The following ARFGAP1 variants were observed in gnomAD, a reference collection of about 807,000 sequenced individuals.
ARFGAP1 encodes ADP-ribosylation factor GTPase-activating protein 1.
In ARFGAP1, 26 loss-of-function variants were observed where a neutral mutation model predicts 54.0. That is an observed-to-expected ratio of 0.48 (90% CI 0.35 to 0.67). The LOEUF (loss-of-function observed/expected upper bound fraction) is 0.67, where lower values mean the gene tolerates loss of function less well. Ranked by LOEUF, ARFGAP1 falls within the 30% of genes least tolerant of loss-of-function variation. ARFGAP1 has a pLI of 0.00. For missense variants in ARFGAP1, 525 were observed against 535.8 expected (o/e 0.98, Z 0.20); for synonymous variants, 248 against 211.9 (o/e 1.17, Z -1.48).
At chr20:63,284,098 C>T (rs918083243) in intron 9 of ARFGAP1, 16 of 1,333,912 alleles carry the variant, frequency 1.2e-5, no homozygotes, top group South Asian at 1.2e-4. Context: ...AGTACCACTG[C>T]GCTCCCCCCG....
At chr20:63,283,629 TG>T in intron 9 of ARFGAP1, 1 of 477,868 alleles carries the variant, frequency 2.1e-6, no homozygotes. Context: ...GGCTTTTTCG[TG>T]GGCCTCCCAG....
At position 63,284,072 on chromosome 20, in the gene ARFGAP1, C is replaced by T. The variant is rs1311346257; in HGVS notation, c.718-794C>T. On this transcript the variant is annotated intron_variant, in intron 9 of 12. Coordinates refer to ENST00000370283, the MANE Select transcript of ARFGAP1 (RefSeq NM_018209.4). ...TCTGCATCAGGCTTGGCTGTGTGTG[C>T]CTGTCACCCCTGCGCAGTACCACTG... 5.7e-6 allele frequency: 8 copies of T among 1,409,892 alleles called. No individual in the cohort carries two copies. The African/African-American group carries it at 1.0e-4, about 18-fold the overall frequency. The allele number at this position is 1,409,892 out of a possible 1,614,324, so 87.3% of individuals were successfully genotyped here.
At chr20:63,280,826 G>A (rs2067361067) in intron 7 of ARFGAP1, among the ~76,000 whole-genome samples, 1 of 152,222 alleles carries the variant, frequency 6.6e-6, no homozygotes. Flanking sequence ...AGTTGTGATT[G>A]AAATGAGACG....
intron 6 of ARFGAP1, chr20:63,278,658 A>G: frequency 1.8e-6 from 1 of 549,710 alleles, no homozygotes; most frequent in Non-Finnish European, 3.2e-6. Context: ...TTCTTCTAGT[A>G]CTTCTGTGGC....
chr20:63,277,321 G>A lies in ARFGAP1; in HGVS notation c.443+16G>A, dbSNP rs1197361907. 6.2e-7 allele frequency: 1 copy of A among 1,607,442 alleles called. No homozygotes were observed. The highest frequency in any genetic ancestry group is 8.5e-7 in the Non-Finnish European group (1 of 1,177,618). On this transcript the variant is annotated intron_variant, in intron 5 of 12. Coordinates refer to ENST00000370283, the MANE Select transcript of ARFGAP1 (RefSeq NM_018209.4). ...TGGTGCACCGGTAGCTGCTCCTCGTGGGGCCTTAGTACAGTTTCCACTGGG... is the reference window on the plus strand; with the variant it reads ...TGGTGCACCGGTAGCTGCTCCTCGTAGGGCCTTAGTACAGTTTCCACTGGG...
chr20:63,280,656 G>A (rs1024478224), intron 7 of ARFGAP1, among the ~76,000 whole-genome samples: 2 of 152,168 alleles, frequency 1.3e-5, no homozygotes, highest in Non-Finnish European at 2.9e-5. Context: ...ACATCTTTAG[G>A]GAAGAAAAGC....
In ARFGAP1 at chr20:63,288,363, T is replaced by C. The variant is rs1320404468; in HGVS notation, c.*490T>C. The C allele has an allele frequency of 2.2e-6, 1 of 456,810 alleles. No homozygotes were observed. Among genetic ancestry groups the C allele is most frequent in the South Asian group, 1.5e-5 (1 of 64,576 alleles). The allele number at this position is 456,810 out of a possible 1,614,324, so 28.3% of individuals were successfully genotyped here. ...GTGGTAAAGATGGAAATGCTGGAAATGATACTGGCGCTCACGCTGCCATCC... is the reference window on the plus strand; with the variant it reads ...GTGGTAAAGATGGAAATGCTGGAAACGATACTGGCGCTCACGCTGCCATCC... On this transcript the variant is annotated 3_prime_UTR_variant, in exon 13 of 13. Transcript: ENST00000370283.
chr20:63,278,063 T>C, intron 5 of ARFGAP1, 54 bp from the exon 6 acceptor site: 1 of 1,539,102 alleles, frequency 6.5e-7, no homozygotes, highest in Non-Finnish European at 9.0e-7. Context: ...CTTCTGGGGT[T>C]ACCTCAGACT....
chr20:63,281,333 G>A lies in ARFGAP1; in HGVS notation c.670G>A (p.Ala224Thr). Reference sequence around the variant, plus strand: ...CACTGGAGCCAGCCGGTTTGCCTCGGCAGCCAAGGAGGGCGTAAGTCACTG... The same window carrying A: ...CACTGGAGCCAGCCGGTTTGCCTCGACAGCCAAGGAGGGCGTAAGTCACTG... ...FTTGASRFAS[A>T]AKEGATKFGS... The change falls in exon 8 of 13, where the codon GCA becomes ACA. Residue 224 changes from alanine (A) to threonine (T), a missense_variant. Transcript: ENST00000370283. 1 of 1,599,614 alleles carries A rather than the reference G, an allele frequency of 6.3e-7. No individual in the cohort carries two copies. Among genetic ancestry groups the A allele is most frequent in the Non-Finnish European group, 8.5e-7 (1 of 1,176,974 alleles).
intron 10 of ARFGAP1, 28 bp from the exon 11 acceptor site, chr20:63,285,626 A>G (rs2067512967): frequency 1.9e-6 from 3 of 1,611,450 alleles, no homozygotes; most frequent in South Asian, 1.1e-5. Context: ...TCCCGCCCCC[A>G]TTAATGCCGC....
rs763843180 is a variant in ARFGAP1 at position 63,278,181 on chromosome 20, G to A, written c.508G>A (p.Asp170Asn). Residue 170 changes from aspartate to asparagine, a missense_variant, in exon 6 of 13, where the codon GAT becomes AAT. Asp to Asn is a conservative substitution (Grantham distance 23, BLOSUM62 1). This residue lies in a region of ARFGAP1 where 466 missense variants were observed against 453.6 expected (regional missense o/e 1.03). Coordinates refer to ENST00000370283, the MANE Select transcript of ARFGAP1 (RefSeq NM_018209.4). ...SDKAFEDWLN[D>N]DLGSYQGAQG... Reference sequence around the variant, plus strand: ...CAAGGCTTTTGAAGACTGGCTGAATGATGACCTCGGCTCCTATCAAGGGTA... The same window carrying A: ...CAAGGCTTTTGAAGACTGGCTGAATAATGACCTCGGCTCCTATCAAGGGTA... 2 of 1,613,590 alleles carry A rather than the reference G, an allele frequency of 1.2e-6. No individual in the cohort carries two copies. Among genetic ancestry groups the A allele is most frequent in the Non-Finnish European group, 1.7e-6 (2 of 1,179,920 alleles).
At position 63,278,987 on chromosome 20, in the gene ARFGAP1, C is replaced by A; in HGVS notation, c.619C>A (p.Leu207Met). The A allele has an allele frequency of 6.2e-7, 1 of 1,613,984 alleles. No homozygotes were observed. The highest frequency in any genetic ancestry group is 8.5e-7 in the Non-Finnish European group (1 of 1,180,016). ...CTTCCTCAACAACGCCATGTCCTCC[C>A]TGTACTCGGTGAGGACTTGGCCCTG... Reference protein sequence around the residue: ...DDFLNNAMSSLYSGWSSFTTG... With the variant: ...DDFLNNAMSSMYSGWSSFTTG... Residue 207 changes from leucine (L) to methionine (M), a missense_variant, in exon 7 of 13, where the codon CTG becomes ATG. Transcript: ENST00000370283.
At chr20:63,284,623 C>T (rs2067476809) in intron 9 of ARFGAP1, 1 of 1,372,050 alleles carries the variant, frequency 7.3e-7, no homozygotes, top group Non-Finnish European at 9.5e-7. Flanking sequence ...AGGGAGGACC[C>T]TGGAGGGGGA....
chr20:63,277,207 G>C lies in ARFGAP1; in HGVS notation c.345G>C (p.Val115=), dbSNP rs1167340987. ...SRAAALFRDK[V]VALAEGREWS... is the part of the protein sequence containing the mutation. ...AATGCCCTGTGTCTCCTTGTCAGGT[G>C]GTCGCTCTGGCCGAAGGCAGAGAGT... The change falls in exon 5 of 13, where the codon GTG becomes GTC. Residue 115 remains valine (V), a splice_region_variant and synonymous_variant. Transcript: ENST00000370283. The C allele has an allele frequency of 9.3e-6, 15 of 1,611,688 alleles. No individual in the cohort carries two copies. The highest frequency in any genetic ancestry group is 1.3e-5 in the African/African-American group (1 of 74,880).
chr20:63,280,304 G>A (rs1279428921), intron 7 of ARFGAP1, among the ~76,000 whole-genome samples: 4 of 152,132 alleles, frequency 2.6e-5, no homozygotes, highest in Non-Finnish European at 5.9e-5. Context: ...TTGGAGACGG[G>A]TCTTGCTCTG....
At chr20:63,275,732 C>G in intron 2 of ARFGAP1, 92 bp downstream of exon 2, 1 of 1,240,552 alleles carries the variant, frequency 8.1e-7, no homozygotes. Context: ...TTCTGGGACC[C>G]TCCTGCAGTG....
intron 9 of ARFGAP1, chr20:63,284,350 AC>A: frequency 9.3e-7 from 1 of 1,071,538 alleles, no homozygotes; most frequent in South Asian, 3.3e-5. Flanking sequence ...GAGGCCTCAC[AC>A]CACATCCCCA....
chr20:63,285,922 T>G, intron 11 of ARFGAP1: 1 of 1,476,398 alleles, frequency 6.8e-7, no homozygotes, highest in Non-Finnish European at 9.0e-7. Flanking sequence ...AGCCACTAAC[T>G]GTCACTTCTC....
In ARFGAP1 at chr20:63,275,536, C is replaced by T. The variant is rs769719702; in HGVS notation, c.-4-41C>T. 1.5e-5 allele frequency: 23 copies of T among 1,583,052 alleles called. No homozygotes were observed. The Middle Eastern group carries it at 5.0e-4, about 34-fold the overall frequency. On this transcript the variant is annotated intron_variant, in intron 1 of 12. Transcript: ENST00000370283. ...CGTTATTTTCTTTTTTGTAGAGTAG[C>T]CTGTTTGTAAGTTTAAAGTGTTTAT...
Sources: allele counts gnomAD v4.1 joint callset (sites outside exome capture counted in the v4.1 genomes callset), GRCh38; gene constraint gnomAD v4.1.1; regional missense constraint gnomAD v4.1.1; transcripts MANE v1.5; gene names NCBI Gene and HGNC (gene_info 2026-07-23, HGNC 2026-07-21).